PARVB: variants seen among roughly 807,000 people sequenced by gnomAD.
The protein encoded by PARVB is beta-parvin.
Under a neutral mutation model 47.0 loss-of-function variants are expected in PARVB, and 46 were observed. The ratio of observed to expected loss-of-function variants is 0.98; its 90% CI spans 0.77 to 1.25. The LOEUF is 1.25. Ranked by LOEUF, PARVB falls within the 50% of genes most tolerant of loss-of-function variation. PARVB has a pLI of 0.00. For synonymous variants in PARVB, 196 were observed against 196.3 expected, an observed-to-expected ratio of 1.00 and a Z score of 0.01; for missense variants, 473 against 471.6, an observed-to-expected ratio of 1.00 and a Z score of -0.03.
chr22:44,161,936 G>A (rs1337196638), intron 11 of PARVB, among the ~76,000 whole-genome samples: 1 of 152,224 alleles, frequency 6.6e-6, no homozygotes, highest in African/African-American at 2.4e-5. Flanking sequence ...TGTCTGCCAT[G>A]TGGCCCAGTG....
chr22:44,075,068 G>A (rs1304343238), intron 1 of PARVB, among the ~76,000 whole-genome samples: 1 of 152,196 alleles, frequency 6.6e-6, no homozygotes, highest in Non-Finnish European at 1.5e-5. Context: ...AACCCAAAGT[G>A]TCTCCAGATG....
chr22:44,090,023 T>C (rs926187680), intron 1 of PARVB, among the ~76,000 whole-genome samples: 1 of 152,192 alleles, frequency 6.6e-6, no homozygotes. Context: ...ACAGAGACCC[T>C]GTACATCCAC....
rs371980546 is a variant in PARVB at position 44,083,568 on chromosome 22, C to T, written c.113-10360C>T. Among the ~76,000 whole-genome samples, 23 of 152,096 alleles carry T rather than the reference C, an allele frequency of 1.5e-4. 1 individual carries two copies. In the East Asian group the frequency reaches 1.9e-3, roughly 13 times the overall value. ...GGATGTGCAGAGTGTGCTTTCCAGA[C>T]GGTGGGAAATGGGTGGAGCTAGCTG... On this transcript the variant is annotated intron_variant, in intron 1 of 12. Transcript: ENST00000338758.
intron 1 of PARVB, among the ~76,000 whole-genome samples, chr22:44,056,125 AT>A (rs1332088149): frequency 6.6e-6 from 1 of 152,194 alleles, no homozygotes; most frequent in East Asian, 1.9e-4. Flanking sequence ...TTTGACCCCA[AT>A]ATGACGGGAG....
chr22:44,134,405 C>T (rs192014457), intron 6 of PARVB, among the ~76,000 whole-genome samples: 135 of 152,352 alleles, frequency 8.9e-4, no homozygotes, highest in Middle Eastern at 3.4e-3. Flanking sequence ...AGCCTACCTA[C>T]GTCAGCTCGG....
chr22:44,157,858 A>G (rs763176100), intron 10 of PARVB, 124 bp from the exon 11 acceptor site: 22 of 661,874 alleles, frequency 3.3e-5, no homozygotes, highest in Non-Finnish European at 4.4e-5. Flanking sequence ...GCATCAGTGC[A>G]CTCCAGCCTG....
chr22:44,031,517 C>T (rs2050826610), intron 1 of PARVB: 2 of 151,172 alleles, frequency 1.3e-5, no homozygotes, highest in South Asian at 4.2e-4. Flanking sequence ...GGTAAAGGCA[C>T]TGCTTGGCCA....
chr22:44,112,202 G>A (rs971073076), intron 3 of PARVB: 9 of 152,228 alleles, frequency 5.9e-5, no homozygotes, highest in Non-Finnish European at 1.0e-4. Flanking sequence ...GCAAGTTCCC[G>A]GGGGGTGGCG....
upstream of PARVB, among the ~76,000 whole-genome samples, chr22:44,021,544 A>C (rs1426104473): frequency 2.0e-5 from 3 of 152,166 alleles, no homozygotes; most frequent in Non-Finnish European, 4.4e-5. Context: ...TCAGGAACCA[A>C]GGAAAAAAGA....
At chr22:44,073,901 C>A (rs2051708391) in intron 1 of PARVB, among the ~76,000 whole-genome samples, 1 of 152,226 alleles carries the variant, frequency 6.6e-6, no homozygotes. Flanking sequence ...TTTTTACACT[C>A]CCTCATTTAA....
intron 9 of PARVB, chr22:44,150,191 CAAAACAAAG>C (rs1180272425): frequency 5.4e-5 from 8 of 148,674 alleles, no homozygotes; most frequent in African/African-American, 7.9e-5. Flanking sequence ...CAAAACAAAA[CAAAACAAAG>C]AAATCATGTC....
intron 1 of PARVB, among the ~76,000 whole-genome samples, chr22:44,042,480 A>T (rs187323821): frequency 6.6e-6 from 1 of 152,282 alleles, no homozygotes; most frequent in East Asian, 1.9e-4. Context: ...GTCACTTGTG[A>T]TGTGGTTACA....
chr22:44,071,766 C>T (rs1350913645), intron 1 of PARVB, among the ~76,000 whole-genome samples: 1 of 152,222 alleles, frequency 6.6e-6, no homozygotes, highest in Non-Finnish European at 1.5e-5. Context: ...GGAATCACAT[C>T]CTAGCTCCGT....
At chr22:44,040,149 ACT>A (rs1017756433) in intron 1 of PARVB, among the ~76,000 whole-genome samples, 75 of 152,012 alleles carry the variant, frequency 4.9e-4, no homozygotes, top group African/African-American at 1.7e-3. Flanking sequence ...ATTTGTCAAA[ACT>A]CTGCATGTGT....
chr22:44,153,270 C>T (rs1171049713), intron 10 of PARVB: 2 of 152,170 alleles, frequency 1.3e-5, no homozygotes, highest in East Asian at 3.8e-4. Flanking sequence ...TCAGACTCTC[C>T]AGGGGCAGCT....
At chr22:44,147,987 G>GC in intron 9 of PARVB, 65 bp downstream of exon 9, 1 of 1,216,782 alleles carries the variant, frequency 8.2e-7, no homozygotes, top group East Asian at 2.4e-5. Flanking sequence ...CAGCACAAAC[G>GC]CCCCGCTGGG....
At chr22:44,039,219 C>A (rs1329876489) in intron 1 of PARVB, among the ~76,000 whole-genome samples, 1 of 152,146 alleles carries the variant, frequency 6.6e-6, no homozygotes, top group Non-Finnish European at 1.5e-5. Flanking sequence ...TATGACCCAG[C>A]AATTCCAGTA....
chr22:44,126,392 A>G (rs971315564), intron 4 of PARVB, among the ~76,000 whole-genome samples: 1 of 152,244 alleles, frequency 6.6e-6, no homozygotes, highest in African/African-American at 2.4e-5. Flanking sequence ...TTTGCATTGC[A>G]GTATCAGTAC....
At position 44,066,798 on chromosome 22, in the gene PARVB, C is replaced by T. The variant is rs3765647; in HGVS notation, c.113-27130C>T. ...AATTATTTCTCCTCCTCCTCCTCCT[C>T]CTCCTCCTCCTCCTCCTCCTCCTCT... On this transcript the variant is annotated intron_variant, in intron 1 of 12. Transcript: ENST00000338758. Among the ~76,000 whole-genome samples the T allele has an allele frequency of 0.022, 1,484 of 67,298 alleles. 23 individuals carry two copies. The East Asian group carries it at 0.28, about 13-fold the overall frequency. 44.2% of individuals were successfully genotyped at this position (67,298 alleles called of 152,430 possible).
Sources: gnomAD v4.1 joint callset for allele counts (sites outside exome capture counted in the v4.1 genomes callset) on GRCh38, gnomAD v4.1.1 for gene constraint, MANE v1.5 for transcripts, NCBI Gene and HGNC (gene_info 2026-07-23, HGNC 2026-07-21) for gene names.